Variants in KLHL13 observed in about 807,000 individuals in gnomAD.
The protein encoded by KLHL13 is kelch like family member 13, also known as kelch-like protein 13.
Under a neutral mutation model 37.1 loss-of-function variants are expected in KLHL13, and 10 were observed. The observed-to-expected ratio is 0.27, with a 90% CI of 0.17 to 0.46. The LOEUF (loss-of-function observed/expected upper bound fraction) is 0.46, where lower values mean the gene tolerates loss of function less well. KLHL13 is among the 20% of genes least tolerant of loss of function. The pLI, the probability that KLHL13 is intolerant of heterozygous loss-of-function variation, is 1.00. For synonymous variants in KLHL13, 163 were observed against 181.2 expected, an observed-to-expected ratio of 0.90 and a Z score of 0.81; for missense variants, 360 against 509.3, an observed-to-expected ratio of 0.71 and a Z score of 2.82.
chrX:117,920,430 T>C, intron 2 of KLHL13, 60 bp from the exon 4 acceptor site: 4 of 1,106,256 alleles, frequency 3.6e-6, no homozygotes, highest in Admixed American at 2.7e-5. Flanking sequence ...CAAATCTTCG[T>C]GTGCTAAAAT....
intron 2 of KLHL13, among the ~76,000 whole-genome samples, chrX:117,924,791 A>G (rs1277960045): frequency 1.8e-5 from 2 of 111,123 alleles, no homozygotes; most frequent in African/African-American, 6.5e-5. Context: ...TTCTTCTTCT[A>G]TAAATCTCCC....
chrX:118,101,042 G>A (rs926325585), intron 1 of KLHL13, among the ~76,000 whole-genome samples: 58 of 111,742 alleles, frequency 5.2e-4, no homozygotes, highest in African/African-American at 1.7e-3. Flanking sequence ...TATATTAGTC[G>A]TGTGTCCTTT....
chrX:118,005,150 G>C, intron 1 of KLHL13, among the ~76,000 whole-genome samples: 1 of 111,590 alleles, frequency 9.0e-6, no homozygotes, highest in Non-Finnish European at 1.9e-5. Context: ...AATGTTATCA[G>C]GGACTTGAGC....
chrX:117,908,065 C>T (rs1162268967), intron 5 of KLHL13, among the ~76,000 whole-genome samples: 1 of 99,769 alleles, frequency 1.0e-5, no homozygotes, highest in Non-Finnish European at 2.0e-5. Flanking sequence ...ACTACAAGGA[C>T]ATTATTTATT....
chrX:117,984,965 T>A (rs1034441397), intron 1 of KLHL13, among the ~76,000 whole-genome samples: 1 of 110,725 alleles, frequency 9.0e-6, no homozygotes, highest in Admixed American at 9.7e-5. Context: ...TATGTATATA[T>A]AGATATTTCT....
exon 1 of KLHL13, chrX:117,972,822 A>G (rs1300624704): frequency 1.7e-6 from 2 of 1,209,491 alleles, no homozygotes; most frequent in Admixed American, 2.2e-5. Context: ...TTCCATTTCA[A>G]TGGCATGTTG....
chrX:118,017,818 A>G lies in KLHL13; in HGVS notation c.-55-72243T>C, dbSNP rs1003332957. 2.7e-5 allele frequency among the ~76,000 whole-genome samples: 3 copies of G among 110,958 alleles called. No homozygotes were observed. In the South Asian group the frequency reaches 1.1e-3, roughly 42 times the overall value. ...AAAATATGATTGTACAGTGTTTGGC[A>G]CTCTTTCTCCTGTGTTGGAAATACC... On this transcript the variant is annotated intron_variant, in intron 1 of 6. Transcript: ENST00000371882.
exon 7 of KLHL13, chrX:117,898,791 T>C (rs984687169): frequency 1.2e-6 from 1 of 814,735 alleles, no homozygotes; most frequent in Non-Finnish European, 1.7e-6. Flanking sequence ...TTTTCCAATA[T>C]CTGTATCAAT....
At chrX:118,095,326 A>G (rs1240547448) in intron 1 of KLHL13, among the ~76,000 whole-genome samples, 1 of 110,304 alleles carries the variant, frequency 9.1e-6, no homozygotes, top group Non-Finnish European at 1.9e-5. Context: ...GGATCAATTC[A>G]ACAAGAAGAG....
chrX:118,055,764 G>A (rs986655948), intron 1 of KLHL13, among the ~76,000 whole-genome samples: 5 of 111,619 alleles, frequency 4.5e-5, no homozygotes, highest in Non-Finnish European at 7.5e-5. Flanking sequence ...AAGAAAGAAA[G>A]ATGAATAATA....
At chrX:117,913,068 T>C (rs1931092673) in intron 4 of KLHL13, among the ~76,000 whole-genome samples, 1 of 111,685 alleles carries the variant, frequency 9.0e-6, no homozygotes, top group South Asian at 3.7e-4. Flanking sequence ...TCATAGAATA[T>C]AGAAATTAAA....
intron 1 of KLHL13, among the ~76,000 whole-genome samples, chrX:117,961,809 C>G (rs1269186572): frequency 9.0e-6 from 1 of 110,742 alleles, no homozygotes. Context: ...TTGTCAATGA[C>G]AGGAATGAGC....
chrX:118,068,349 T>A (rs2054817169), intron 1 of KLHL13, among the ~76,000 whole-genome samples: 1 of 111,332 alleles, frequency 9.0e-6, no homozygotes, highest in Admixed American at 9.6e-5. Context: ...AGCTATATTT[T>A]AATGAAAATA....
intron 1 of KLHL13, chrX:117,947,289 T>TAA (rs1933369917): frequency 8.9e-6 from 1 of 111,989 alleles, no homozygotes; most frequent in Non-Finnish European, 1.9e-5. Flanking sequence ...GCAGACTGTT[T>TAA]TATTAGTTTC....
At chrX:118,021,583 G>C (rs1334634851) in intron 1 of KLHL13, among the ~76,000 whole-genome samples, 5 of 110,487 alleles carry the variant, frequency 4.5e-5, no homozygotes, top group Non-Finnish European at 9.4e-5. Flanking sequence ...CATTTTTTAT[G>C]GCTGCATAGT....
chrX:118,009,174 T>C (rs1048987175), intron 1 of KLHL13, among the ~76,000 whole-genome samples: 1 of 101,363 alleles, frequency 9.9e-6, no homozygotes, highest in African/African-American at 3.6e-5. Flanking sequence ...GAGTAGGTTG[T>C]GAAAATTTTC....
At chrX:118,043,624 G>A (rs1173714115) in intron 1 of KLHL13, among the ~76,000 whole-genome samples, 1 of 111,674 alleles carries the variant, frequency 9.0e-6, no homozygotes, top group Non-Finnish European at 1.9e-5. Context: ...TCAATAGAAG[G>A]AAGGACAAAA....
At chrX:118,052,272 G>A (rs2054622445) in intron 1 of KLHL13, among the ~76,000 whole-genome samples, 2 of 110,335 alleles carry the variant, frequency 1.8e-5, no homozygotes, top group African/African-American at 6.6e-5. Flanking sequence ...CAGCACTTTG[G>A]GAGGCTGAGG....
At position 118,106,065 on chromosome X, in the gene KLHL13, CTAT is replaced by C. The variant is rs1399275874; in HGVS notation, c.-56+10440_-56+10442del. On this transcript the variant is annotated intron_variant, in intron 1 of 6. Transcript: ENST00000371882. ...TACAGGCACCTGCCACCACGCCCAG[CTAT>C]TTTTTTTTTTTTTTTGTATTTTTAG... 4.5e-4 allele frequency among the ~76,000 whole-genome samples: 43 copies of C among 95,745 alleles called. 1 individual carries two copies. Among genetic ancestry groups the C allele is most frequent in the African/African-American group, 1.8e-3 (40 of 22,486 alleles). The allele number at this position is 95,745 out of a possible 115,157, so 83.1% of individuals were successfully genotyped here.
Sources: allele counts gnomAD v4.1 joint callset (sites outside exome capture counted in the v4.1 genomes callset), GRCh38; gene constraint gnomAD v4.1.1; transcripts MANE v1.5; gene names NCBI Gene and HGNC (gene_info 2026-07-23, HGNC 2026-07-21).